Variants in SGPP2 observed in about 807,000 individuals in gnomAD.
SGPP2 encodes sphingosine-1-phosphate phosphatase 2, also known as sphingosine 1-phosphate phosphohydrolase 2.
Under a neutral mutation model 33.9 loss-of-function variants are expected in SGPP2, and 30 were observed. The observed-to-expected ratio is 0.89, with a 90% CI of 0.66 to 1.20. SGPP2 has a LOEUF of 1.20. Ranked by LOEUF, SGPP2 falls within the 50% of genes most tolerant of loss-of-function variation. The probability of loss-of-function intolerance (pLI) is 0.00; values close to 1 mark genes in which losing one functional copy is unlikely to be tolerated. For synonymous variants in SGPP2, 233 were observed against 225.0 expected (o/e 1.04, Z -0.32); for missense variants, 458 against 532.1 (o/e 0.86, Z 1.37).
chr2:222,461,460 A>G (rs1040345609), intron 1 of SGPP2, among the ~76,000 whole-genome samples: 1 of 152,088 alleles, frequency 6.6e-6, no homozygotes, highest in Non-Finnish European at 1.5e-5. Context: ...TGGTTTTAGG[A>G]TGATTCAAGC....
At chr2:222,503,416 G>A (rs76297217) in intron 2 of SGPP2, among the ~76,000 whole-genome samples, 1,949 of 152,250 alleles carry the variant, frequency 0.013, 50 homozygotes, top group African/African-American at 0.044. Flanking sequence ...TATTTGTATA[G>A]GTTCACTTTC....
At chr2:222,480,140 C>T (rs887632816) in intron 2 of SGPP2, among the ~76,000 whole-genome samples, 1 of 151,974 alleles carries the variant, frequency 6.6e-6, no homozygotes, top group Non-Finnish European at 1.5e-5. Flanking sequence ...ACAGACCTAA[C>T]AAAAAAATAA....
chr2:222,482,280 A>C (rs763018171), intron 2 of SGPP2, among the ~76,000 whole-genome samples: 1 of 152,236 alleles, frequency 6.6e-6, no homozygotes, highest in African/African-American at 2.4e-5. Context: ...AGCTCACAGG[A>C]ACAAATGCTA....
chr2:222,506,406 C>T (rs181968624), intron 2 of SGPP2, among the ~76,000 whole-genome samples: 79 of 152,238 alleles, frequency 5.2e-4, no homozygotes, highest in African/African-American at 1.7e-3. Flanking sequence ...TGATATGTAC[C>T]GTAGGTTGAA....
intron 1 of SGPP2, among the ~76,000 whole-genome samples, chr2:222,458,399 ATAACAT>A (rs1423835668): frequency 1.3e-5 from 2 of 152,132 alleles, no homozygotes; most frequent in African/African-American, 2.4e-5. Flanking sequence ...CATTCCCGTG[ATAACAT>A]TTCACCAAGC....
At chr2:222,479,707 A>G (rs1698001125) in intron 2 of SGPP2, among the ~76,000 whole-genome samples, 1 of 152,034 alleles carries the variant, frequency 6.6e-6, no homozygotes, top group African/African-American at 2.4e-5. Flanking sequence ...CCGGCCTCTT[A>G]TCTACCCTTC....
chr2:222,499,936 G>A (rs773485196), intron 2 of SGPP2, among the ~76,000 whole-genome samples: 12 of 152,168 alleles, frequency 7.9e-5, no homozygotes, highest in Non-Finnish European at 7.4e-5. Context: ...AACTTACAAC[G>A]TTAAGTTCTC....
intron 4 of SGPP2, among the ~76,000 whole-genome samples, chr2:222,540,817 G>GTTTTTTTTT (rs750932260): frequency 9.2e-6 from 1 of 108,428 alleles, no homozygotes; most frequent in Non-Finnish European, 1.8e-5. Context: ...CTTATAAACT[G>GTTTTTTTTT]TTTTTTTTTT....
At chr2:222,524,897 T>C in intron 3 of SGPP2, 47 bp from the exon 4 acceptor site, 1 of 1,420,896 alleles carries the variant, frequency 7.0e-7, no homozygotes, top group Non-Finnish European at 9.9e-7. Flanking sequence ...AAATCATGTA[T>C]GTCTGAGTGT....
chr2:222,432,665 C>A (rs1272767767), intron 1 of SGPP2, among the ~76,000 whole-genome samples: 2 of 152,082 alleles, frequency 1.3e-5, no homozygotes, highest in African/African-American at 2.4e-5. Context: ...GAAACAGAAG[C>A]CTCAAGACAC....
At chr2:222,557,588 A>G (rs1243126715) in intron 4 of SGPP2, among the ~76,000 whole-genome samples, 1 of 152,218 alleles carries the variant, frequency 6.6e-6, no homozygotes, top group Non-Finnish European at 1.5e-5. Context: ...CTAAGAATCG[A>G]TTAATTATAT....
intron 2 of SGPP2, among the ~76,000 whole-genome samples, chr2:222,481,258 A>C (rs566333969): frequency 6.6e-6 from 1 of 152,336 alleles, no homozygotes; most frequent in Admixed American, 6.5e-5. Context: ...AAATTGAAAT[A>C]AAAAAGAAAA....
At chr2:222,485,199 C>T (rs537934827) in intron 2 of SGPP2, among the ~76,000 whole-genome samples, 1 of 152,214 alleles carries the variant, frequency 6.6e-6, no homozygotes, top group Admixed American at 6.5e-5. Context: ...ACTCTTCTCC[C>T]CAGTCCAATT....
chr2:222,453,119 C>T, intron 1 of SGPP2: 1 of 205,638 alleles, frequency 4.9e-6, no homozygotes, highest in Non-Finnish European at 8.1e-6. Flanking sequence ...GGACTATCCT[C>T]AGATCCATGG....
At chr2:222,528,173 G>C (rs894259958) in intron 4 of SGPP2, among the ~76,000 whole-genome samples, 11 of 152,150 alleles carry the variant, frequency 7.2e-5, no homozygotes, top group Non-Finnish European at 1.6e-4. Context: ...TCTCTCTGAA[G>C]ATATTTGAAA....
At chr2:222,504,886 A>G (rs1698422174) in intron 2 of SGPP2, 1 of 152,242 alleles carries the variant, frequency 6.6e-6, no homozygotes, top group Non-Finnish European at 1.5e-5. Context: ...TGAGGCTTCT[A>G]TTTAGTGGAG....
chr2:222,557,209 CCTGT>C (rs1333075284), intron 4 of SGPP2, among the ~76,000 whole-genome samples: 2 of 152,156 alleles, frequency 1.3e-5, no homozygotes, highest in Non-Finnish European at 2.9e-5. Context: ...ATGGTAACTG[CCTGT>C]CTCTTTACCA....
At chr2:222,493,898 A>C (rs1010399356) in intron 2 of SGPP2, among the ~76,000 whole-genome samples, 5 of 152,206 alleles carry the variant, frequency 3.3e-5, no homozygotes, top group African/African-American at 1.2e-4. Context: ...TCACCAAATC[A>C]AGACTAATCT....
Position 222,489,686 on chromosome 2 carries a change from C to T in SGPP2, c.378+14960C>T, listed in dbSNP as rs1290605006. The stretch of plus-strand genomic sequence containing the variant: ...GATTAAATTATTAAAACTCTGTGGG[C>T]GGTGTGCGGTGACTTACACCTGTAA... On this transcript the variant is annotated intron_variant, in intron 2 of 4. Coordinates refer to ENST00000321276, the MANE Select transcript of SGPP2 (RefSeq NM_152386.4). Among the ~76,000 whole-genome samples, 5 of 152,144 alleles carry T rather than the reference C, an allele frequency of 3.3e-5. No homozygotes were observed. The South Asian group carries it at 6.2e-4, about 19-fold the overall frequency.
Sources: gnomAD v4.1 joint callset for allele counts (sites outside exome capture counted in the v4.1 genomes callset) on GRCh38, gnomAD v4.1.1 for gene constraint, MANE v1.5 for transcripts, NCBI Gene and HGNC (gene_info 2026-07-23, HGNC 2026-07-21) for gene names.